Variants in SP110 observed in about 807,000 individuals in gnomAD.
The protein encoded by SP110 is interferon-induced protein 41, 30kD.
In SP110, 62 loss-of-function variants were observed where a neutral mutation model predicts 92.7. The observed-to-expected ratio is 0.67, with a 90% confidence interval of 0.55 to 0.83. The LOEUF (loss-of-function observed/expected upper bound fraction) is 0.83, where lower values mean the gene tolerates loss of function less well. Among genes scored for constraint, SP110 ranks in the 40% least tolerant of loss-of-function variants. The pLI is 0.00. For missense variants in SP110, 793 were observed against 863.9 expected, an observed-to-expected ratio of 0.92 and a Z score of 1.03; for synonymous variants, 273 against 305.3, an observed-to-expected ratio of 0.89 and a Z score of 1.10.
rs1008864778 is a variant in SP110, at chr2:230,200,925, C to A, written c.1089G>T (p.Arg363Ser). 1 of 1,613,816 alleles carries A rather than the reference C, an allele frequency of 6.2e-7. No homozygotes were observed. Among genetic ancestry groups the A allele is most frequent in the African/African-American group, 1.3e-5 (1 of 74,904 alleles). The stretch of plus-strand genomic sequence containing the variant: ...GTGGTGTACTAGGCGTCTTCTGGGA[C>A]CTCTTTCCTTCATTCATTTCTGAAG... ...DGTSEMNEGK[R>S]SQKTPSTPRR... is the part of the protein sequence containing the mutation. The change falls in exon 10 of 19, where the codon AGG becomes AGT. Residue 363 changes from arginine (R) to serine (S), a missense_variant. Coordinates refer to ENST00000258381, the MANE Select transcript of SP110 (RefSeq NM_080424.4).
chr2:230,214,985 G>A lies in SP110; in HGVS notation c.281C>T (p.Pro94Leu), dbSNP rs1296167115. The change falls in exon 3 of 19, where the codon CCC (proline) becomes CTC (leucine). Residue 94 changes from proline to leucine, a missense_variant. Physicochemically the swap from Pro to Leu is moderately conservative, Grantham distance 98. Coordinates refer to ENST00000258381, the MANE Select transcript of SP110 (RefSeq NM_080424.4). Reference sequence around the variant, plus strand: ...GCTTCTGTAAATCGTCACCAGATTGGGATATTCACGCAGGTTAATTTGACT... The same window carrying A: ...GCTTCTGTAAATCGTCACCAGATTGAGATATTCACGCAGGTTAATTTGACT... ...LFSQINLREY[P>L]NLVTIYRSFK... 1 of 1,613,922 alleles carries A rather than the reference G, an allele frequency of 6.2e-7. No homozygotes were observed. The highest frequency in any genetic ancestry group is 1.1e-5 in the South Asian group (1 of 91,070).
chr2:230,171,524 G>A, intron 17 of SP110, 172 bp downstream of exon 17: 1 of 669,666 alleles, frequency 1.5e-6, no homozygotes, highest in South Asian at 1.7e-5. Context: ...TTTGAACCAG[G>A]TAGTCCCTCT....
At position 230,208,047 on chromosome 2, in the gene SP110, T is replaced by C. The variant is rs187168146; in HGVS notation, c.842A>G (p.Lys281Arg). The C allele has an allele frequency of 5.1e-5, 78 of 1,538,626 alleles. No homozygotes were observed. In the Admixed American group the frequency reaches 8.7e-4, roughly 17 times the overall value. Residue 281 changes from lysine to arginine, a missense_variant, in exon 8 of 19, where the codon AAA (lysine) becomes AGA (arginine). Transcript: ENST00000258381. Reference protein sequence around the residue: ...TPSDKKGKKRKRCIWSTPKRR... With the variant: ...TPSDKKGKKRRRCIWSTPKRR... The stretch of plus-strand genomic sequence containing the variant: ...TTTTGGAGTTGACCAGATACATCTT[T>C]TTCTTTTCTTTCCTAAAAAGAAAGG...
At chr2:230,222,401 G>A (rs2148985553), upstream of SP110, among the ~76,000 whole-genome samples, 1 of 152,172 alleles carries the variant, frequency 6.6e-6, no homozygotes. Flanking sequence ...TTTACCAAAT[G>A]TAGTTACTAC....
intron 12 of SP110, among the ~76,000 whole-genome samples, chr2:230,180,187 G>C (rs1442284658): frequency 5.3e-5 from 8 of 152,182 alleles, no homozygotes; most frequent in Non-Finnish European, 1.0e-4. Context: ...CAAGCAATTA[G>C]AGAACAGAGA....
rs199723391 is a variant in SP110 at position 230,168,888 on chromosome 2, G to A, written c.*236C>T. ...AGTGGGGAGAATGTGAACTATGATG[G>A]GGTATCTGATGGTATTAAGGAAGTA... is the stretch of plus-strand genomic sequence containing the variant. On this transcript the variant is annotated 3_prime_UTR_variant, in exon 19 of 19. Coordinates refer to ENST00000258381, the MANE Select transcript of SP110 (RefSeq NM_080424.4). The A allele has an allele frequency of 1.8e-5, 8 of 432,560 alleles. No individual in the cohort carries two copies. The highest frequency in any genetic ancestry group is 1.4e-4 in the South Asian group (6 of 41,398). The allele number at this position is 432,560 out of a possible 1,614,324, so 26.8% of individuals were successfully genotyped here. A position where few individuals can be genotyped will look rare whatever the true frequency, so the allele number is the denominator to read the frequency against.
intron 13 of SP110, 146 bp from the exon 14 acceptor site, chr2:230,177,826 G>T (rs2041936691): frequency 1.0e-6 from 1 of 955,854 alleles, no homozygotes. Context: ...GAGTCTGCGG[G>T]CCTCTTCTCT....
chr2:230,177,367 C>G, intron 14 of SP110, 171 bp downstream of exon 14: 1 of 748,958 alleles, frequency 1.3e-6, no homozygotes, highest in South Asian at 1.6e-5. Flanking sequence ...CCATCAGGAA[C>G]AATATGTGCT....
In SP110 at chr2:230,211,336, G is replaced by A; in HGVS notation, c.751+134C>T. The stretch of plus-strand genomic sequence containing the variant: ...CTGCCTGTTCAAGCTCCCAAGTGCT[G>A]GGTGAACTGGAAGCTGGGCCAAGAT... On this transcript the variant is annotated intron_variant, in intron 6 of 18. Transcript: ENST00000258381. The surrounding 1 kb of genome is among the most constrained non-coding windows in gnomAD (Gnocchi z 4.2). 1 of 722,160 alleles carries A rather than the reference G, an allele frequency of 1.4e-6. No individual in the cohort carries two copies. The highest frequency in any genetic ancestry group is 2.5e-6 in the Non-Finnish European group (1 of 395,024). 44.7% of individuals were successfully genotyped at this position (722,160 alleles called of 1,614,324 possible). A position where few individuals can be genotyped will look rare whatever the true frequency, so the allele number is the denominator to read the frequency against.
In SP110 at chr2:230,168,950, T is replaced by C; in HGVS notation, c.*174A>G. 3.2e-6 allele frequency: 2 copies of C among 623,058 alleles called. No homozygotes were observed. The highest frequency in any genetic ancestry group is 1.7e-5 in the South Asian group (1 of 57,504). 38.6% of individuals were successfully genotyped at this position (623,058 alleles called of 1,614,324 possible). A position where few individuals can be genotyped will look rare whatever the true frequency, so the allele number is the denominator to read the frequency against. ...TTTTTTTAGTGTAGATATAGACTTT[T>C]AAAGGTAAAAAGAAAGAATAAAGAT... On this transcript the variant is annotated 3_prime_UTR_variant, in exon 19 of 19. Transcript: ENST00000258381.
intron 13 of SP110, 51 bp from the exon 14 acceptor site, chr2:230,177,731 C>T (rs1247735040): frequency 6.3e-7 from 1 of 1,591,230 alleles, no homozygotes; most frequent in Non-Finnish European, 8.6e-7. Context: ...TGTGAATTCA[C>T]CCTGAACCTC....
chr2:230,176,472 A>T, intron 14 of SP110: 1 of 1,460,468 alleles, frequency 6.8e-7, no homozygotes, highest in Non-Finnish European at 9.0e-7. Context: ...CATGGACATG[A>T]TGAGCTTTTT....
At chr2:230,201,417 A>G (rs2043175894) in intron 9 of SP110, among the ~76,000 whole-genome samples, 1 of 152,256 alleles carries the variant, frequency 6.6e-6, no homozygotes. Flanking sequence ...AAGACACATC[A>G]AAGCAGTGTC....
At chr2:230,216,522 C>T (rs1184389061) in intron 2 of SP110, among the ~76,000 whole-genome samples, 1 of 152,208 alleles carries the variant, frequency 6.6e-6, no homozygotes, top group Non-Finnish European at 1.5e-5. Flanking sequence ...CTGGCCTCCA[C>T]ACCTGAGAGA....
rs1477509388 is a variant in SP110, at chr2:230,211,685, G to T, written c.668-132C>A. The T allele has an allele frequency of 2.9e-6, 2 of 692,066 alleles. No homozygotes were observed. The highest frequency in any genetic ancestry group is 1.8e-5 in the African/African-American group (1 of 56,668). The allele number at this position is 692,066 out of a possible 1,614,324, so 42.9% of individuals were successfully genotyped here. On this transcript the variant is annotated intron_variant, in intron 5 of 18. Transcript: ENST00000258381. This position sits in a 1 kb window ranked among gnomAD's most constrained non-coding sequence, Gnocchi z 4.2. Reference sequence around the variant, plus strand: ...AGCAACCAAGGCCTGGGAAAGGATGGCATAGAGTGGGAAAGTAAGCAACCA... The same window carrying T: ...AGCAACCAAGGCCTGGGAAAGGATGTCATAGAGTGGGAAAGTAAGCAACCA...
chr2:230,207,944 C>T, intron 8 of SP110, 47 bp downstream of exon 8: 1 of 905,636 alleles, frequency 1.1e-6, no homozygotes, highest in Non-Finnish European at 1.8e-6. Context: ...ACAAGCCCTG[C>T]ATGAGCTGTT....
chr2:230,216,904 C>T lies in SP110; in HGVS notation c.24G>A (p.Met8Ile). 1 of 1,613,842 alleles carries T rather than the reference C, an allele frequency of 6.2e-7. No homozygotes were observed. The highest frequency in any genetic ancestry group is 8.5e-7 in the Non-Finnish European group (1 of 1,179,928). The change falls in exon 2 of 19, where the codon ATG becomes ATA. Residue 8 changes from methionine to isoleucine, a missense_variant. Transcript: ENST00000258381. ...TGAAGTGCTGAAAAAGAGCCTCTTC[C>T]ATGGCTCTTGTCATGGTGAACATCC... MFTMTRA[M>I]EEALFQHFMH... is the part of the protein sequence containing the mutation.
intron 14 of SP110, 172 bp from the exon 15 acceptor site, chr2:230,173,131 C>A: frequency 1.6e-6 from 1 of 616,042 alleles, no homozygotes; most frequent in Admixed American, 2.1e-5. Context: ...AGACAAATGG[C>A]ACAACAAGCA....
rs1277752566 is a variant in SP110, at chr2:230,201,014, G to A, written c.1049-49C>T. On this transcript the variant is annotated intron_variant, in intron 9 of 18. Coordinates refer to ENST00000258381, the MANE Select transcript of SP110 (RefSeq NM_080424.4). The stretch of plus-strand genomic sequence containing the variant: ...AATGCCCCTTGGGAAACACCATGGA[G>A]AATCTCCCAGAGACCCAGGAAGGCC... 4 of 1,420,918 alleles carry A rather than the reference G, an allele frequency of 2.8e-6. 1 individual carries two copies. In the South Asian group the frequency reaches 3.4e-5, roughly 12 times the overall value. 88.0% of individuals were successfully genotyped at this position (1,420,918 alleles called of 1,614,324 possible). A position where few individuals can be genotyped will look rare whatever the true frequency, so the allele number is the denominator to read the frequency against.
Sources: gnomAD v4.1 joint callset for allele counts (sites outside exome capture counted in the v4.1 genomes callset) on GRCh38, gnomAD v4.1.1 for gene constraint, Gnocchi (gnomAD v3.1) non-coding constraint, MANE v1.5 for transcripts, NCBI Gene and HGNC (gene_info 2026-07-23, HGNC 2026-07-21) for gene names.